The following HS1BP3 variants were observed in gnomAD, a reference collection of about 807,000 sequenced individuals.
The protein encoded by HS1BP3 is HCLS1-binding protein 3.
In HS1BP3, 32 loss-of-function variants were observed where a neutral mutation model predicts 33.5. That is an observed-to-expected ratio of 0.95 (90% CI 0.72 to 1.28). The LOEUF is 1.28. Among genes scored for constraint, HS1BP3 ranks in the 50% most tolerant of loss-of-function variants. The pLI is 0.00. For synonymous variants in HS1BP3, 187 were observed against 209.2 expected (o/e 0.89, Z 0.92); for missense variants, 486 against 502.3 (o/e 0.97, Z 0.31).
At chr2:20,614,150 C>T (rs1379734446), downstream of HS1BP3, among the ~76,000 whole-genome samples, 1 of 152,064 alleles carries the variant, frequency 6.6e-6, no homozygotes, top group Non-Finnish European at 1.5e-5. Flanking sequence ...CAGCTATAAA[C>T]CAAGGGACCC....
intron 5 of HS1BP3, among the ~76,000 whole-genome samples, chr2:20,584,743 G>C (rs892054349): frequency 6.6e-6 from 1 of 152,180 alleles, no homozygotes; most frequent in African/African-American, 2.4e-5. Flanking sequence ...CTCAGGCTCA[G>C]GAATGTGTTT....
chr2:20,581,960 A>G (rs1345313128), intron 5 of HS1BP3, among the ~76,000 whole-genome samples: 1 of 152,106 alleles, frequency 6.6e-6, no homozygotes, highest in Non-Finnish European at 1.5e-5. Context: ...GAGGTACTCG[A>G]CTCAGGAAGA....
intron 3 of HS1BP3, 100 bp from the exon 4 acceptor site, chr2:20,638,752 A>T: frequency 1.1e-6 from 1 of 928,080 alleles, no homozygotes; most frequent in Non-Finnish European, 1.6e-6. Context: ...TCTGAGGCCG[A>T]GGGCTTCCTG....
chr2:20,648,897 G>A (rs1344026372), intron 1 of HS1BP3, among the ~76,000 whole-genome samples: 1 of 152,238 alleles, frequency 6.6e-6, no homozygotes. Flanking sequence ...CTTGCCGTTA[G>A]TCTTAACTTC....
intron 3 of HS1BP3, among the ~76,000 whole-genome samples, chr2:20,639,023 G>A (rs960552620): frequency 2.0e-5 from 3 of 152,224 alleles, no homozygotes; most frequent in Non-Finnish European, 2.9e-5. Context: ...GGTGAGCGGT[G>A]GGATACAACA....
chr2:20,585,997 A>T (rs1279615928), intron 5 of HS1BP3, among the ~76,000 whole-genome samples: 3 of 149,888 alleles, frequency 2.0e-5, no homozygotes, highest in Non-Finnish European at 3.0e-5. Flanking sequence ...GAACTCGCAG[A>T]TTCCGGCTTT....
downstream of HS1BP3, among the ~76,000 whole-genome samples, chr2:20,558,447 C>T (rs1191320796): frequency 1.3e-5 from 2 of 152,172 alleles, no homozygotes; most frequent in South Asian, 2.1e-4. Flanking sequence ...TCTTTGAGGT[C>T]AGTGGGGTAT....
At chr2:20,625,877 G>A (rs1572344925) in intron 4 of HS1BP3, among the ~76,000 whole-genome samples, 2 of 152,210 alleles carry the variant, frequency 1.3e-5, no homozygotes, top group African/African-American at 4.8e-5. Flanking sequence ...AAGTGATACC[G>A]CCAGTAAGTA....
At position 20,569,072 on chromosome 2, in the gene HS1BP3, A is replaced by G. The variant is rs547652017; in HGVS notation, c.303-8557T>C. On this transcript the variant is annotated intron_variant, in intron 5 of 5. Transcript: ENST00000446825. The stretch of plus-strand genomic sequence containing the variant: ...GAATGACATGATCAGCAGGACTGAC[A>G]GTGGCCCTACAGCTCAGCCGCAGCC... 5.2e-4 allele frequency among the ~76,000 whole-genome samples: 79 copies of G among 152,230 alleles called. 1 individual carries two copies. The highest frequency in any genetic ancestry group is 1.4e-3 in the Admixed American group (22 of 15,298).
At chr2:20,557,268 A>T (rs1333194148), downstream of HS1BP3, among the ~76,000 whole-genome samples, 1 of 152,212 alleles carries the variant, frequency 6.6e-6, no homozygotes, top group Non-Finnish European at 1.5e-5. Context: ...TGGCCTTCCG[A>T]AATTTCATAA....
Position 20,624,848 on chromosome 2 carries a change from T to C in HS1BP3, c.668A>G (p.Lys223Arg), listed in dbSNP as rs1436508064. The C allele has an allele frequency of 4.3e-6, 7 of 1,613,826 alleles. No individual in the cohort carries two copies. The highest frequency in any genetic ancestry group is 5.9e-6 in the Non-Finnish European group (7 of 1,179,964). Residue 223 changes from lysine (K) to arginine (R), a missense_variant, in exon 5 of 7, where the codon AAG (lysine) becomes AGG (arginine). Transcript: ENST00000304031. ...KKHPKVAVKA[K>R]PSPRLTIFDE... ...AAAGATGGTGAGCCGGGGCGAGGGC[T>C]TGGCTTTCACGGCCACTTTGGGATG...
intron 1 of HS1BP3, among the ~76,000 whole-genome samples, chr2:20,648,312 C>T (rs1482448642): frequency 6.6e-6 from 1 of 152,204 alleles, no homozygotes; most frequent in East Asian, 1.9e-4. Flanking sequence ...TTCCTCTCCT[C>T]CTGTTTGATC....
chr2:20,589,720 G>C (rs1317803108), downstream of HS1BP3, among the ~76,000 whole-genome samples: 6 of 152,182 alleles, frequency 3.9e-5, no homozygotes. Flanking sequence ...AAGGCAGTGA[G>C]GCATGGACCA....
At chr2:20,564,859 C>T (rs1286608878) in intron 5 of HS1BP3, among the ~76,000 whole-genome samples, 1 of 152,210 alleles carries the variant, frequency 6.6e-6, no homozygotes, top group African/African-American at 2.4e-5. Flanking sequence ...GGTACTGCCA[C>T]ACTGTATGGA....
At position 20,622,104 on chromosome 2, in the gene HS1BP3, G is replaced by A. The variant is rs1208252351; in HGVS notation, c.920+1792C>T. The A allele has an allele frequency of 1.1e-5, 11 of 1,035,148 alleles. No homozygotes were observed. The Admixed American group carries it at 1.3e-4, about 13-fold the overall frequency. 64.1% of individuals were successfully genotyped at this position (1,035,148 alleles called of 1,614,324 possible). A position where few individuals can be genotyped will look rare whatever the true frequency, so the allele number is the denominator to read the frequency against. On this transcript the variant is annotated intron_variant, in intron 6 of 6. Transcript: ENST00000304031. ...AACAAAGCCTTCTTAGCCTCGACCC[G>A]CTCAGTGTACACCCCACGCGGCCTC...
At chr2:20,622,227 C>T in intron 6 of HS1BP3, 1 of 1,300,930 alleles carries the variant, frequency 7.7e-7, no homozygotes, top group Non-Finnish European at 1.0e-6. Context: ...AGTCCAACTA[C>T]TCCCTGGATA....
At chr2:20,630,475 C>G (rs1401161252) in intron 4 of HS1BP3, among the ~76,000 whole-genome samples, 2 of 152,150 alleles carry the variant, frequency 1.3e-5, no homozygotes, top group African/African-American at 4.8e-5. Context: ...CGCTATGTTG[C>G]CCAGGCTGAT....
chr2:20,563,565 G>A (rs1437203638), intron 5 of HS1BP3, among the ~76,000 whole-genome samples: 1 of 152,194 alleles, frequency 6.6e-6, no homozygotes, highest in Non-Finnish European at 1.5e-5. Flanking sequence ...CCACCATGGT[G>A]GAGCTGCCCT....
chr2:20,649,797 T>C (rs779843473), intron 1 of HS1BP3, among the ~76,000 whole-genome samples: 2 of 152,192 alleles, frequency 1.3e-5, no homozygotes, highest in African/African-American at 4.8e-5. Flanking sequence ...GCCTGACTCA[T>C]GTGGCCTTAC....
Sources: allele counts gnomAD v4.1 joint callset (sites outside exome capture counted in the v4.1 genomes callset), GRCh38; gene constraint gnomAD v4.1.1; transcripts MANE v1.5; gene names NCBI Gene and HGNC (gene_info 2026-07-23, HGNC 2026-07-21).